PAPPA: variants seen among roughly 807,000 people sequenced by gnomAD.
The protein encoded by PAPPA is pappalysin 1.
Under a neutral mutation model 164.0 loss-of-function variants are expected in PAPPA, and 60 were observed. The observed-to-expected ratio is 0.37, with a 90% CI of 0.30 to 0.45. The LOEUF (loss-of-function observed/expected upper bound fraction) is 0.45. PAPPA is among the 20% of genes least tolerant of loss of function. The pLI, the probability that PAPPA is intolerant of heterozygous loss-of-function variation, is 1.00. For missense variants in PAPPA, 1,782 were observed against 2,087.3 expected (o/e 0.85, Z 2.85); for synonymous variants, 875 against 814.1 (o/e 1.07, Z -1.27).
At chr9:116,195,494 A>G (rs1006897038) in intron 2 of PAPPA, among the ~76,000 whole-genome samples, 16 of 152,236 alleles carry the variant, frequency 1.1e-4, no homozygotes, top group African/African-American at 3.6e-4. Context: ...CAGTCAAGTC[A>G]TTTAACAGTT....
At chr9:116,391,199 A>ATACAT (rs1227564720) in intron 21 of PAPPA, among the ~76,000 whole-genome samples, 1 of 152,222 alleles carries the variant, frequency 6.6e-6, no homozygotes, top group African/African-American at 2.4e-5. Context: ...CAAGCTTCGT[A>ATACAT]TACATTAACT....
At chr9:116,215,416 A>C (rs573530996) in intron 4 of PAPPA, among the ~76,000 whole-genome samples, 1 of 152,334 alleles carries the variant, frequency 6.6e-6, no homozygotes, top group South Asian at 2.1e-4. Flanking sequence ...CATCCACAAA[A>C]AAGAATGAGA....
rs752469843 is a variant in PAPPA, at chr9:116,220,093, A to G, written c.2075A>G (p.Glu692Gly). The G allele has an allele frequency of 6.2e-7, 1 of 1,613,858 alleles. No individual in the cohort carries two copies. The highest frequency in any genetic ancestry group is 1.3e-5 in the African/African-American group (1 of 74,902). The change falls in exon 5 of 22, where the codon GAG becomes GGG. Residue 692 changes from glutamate (E) to glycine (G), a missense_variant. By Grantham distance (98) the Glu-to-Gly change is moderately conservative. Transcript: ENST00000328252. ...LGHTTDSVTLEWFPPIDGHFF... is the reference protein window; with the variant it reads ...LGHTTDSVTLGWFPPIDGHFF... ...CACACAACGGACTCTGTGACACTGG[A>G]GTGGTTCCCACCTATAGATGGCCAT...
At chr9:116,179,290 G>A (rs1304323499) in intron 1 of PAPPA, among the ~76,000 whole-genome samples, 1 of 152,164 alleles carries the variant, frequency 6.6e-6, no homozygotes, top group African/African-American at 2.4e-5. Context: ...ATACAGGCAG[G>A]AGAACAGACA....
intron 1 of PAPPA, among the ~76,000 whole-genome samples, chr9:116,185,893 T>C (rs1434923636): frequency 2.0e-5 from 3 of 151,986 alleles, no homozygotes; most frequent in African/African-American, 7.3e-5. Context: ...TGCCTGATGA[T>C]TTTGGTGAGG....
At chr9:116,197,535 C>T (rs906392763) in intron 2 of PAPPA, among the ~76,000 whole-genome samples, 1 of 152,178 alleles carries the variant, frequency 6.6e-6, no homozygotes, top group African/African-American at 2.4e-5. Flanking sequence ...AATGTGGCAT[C>T]CTCTTTCCAA....
intron 7 of PAPPA, among the ~76,000 whole-genome samples, chr9:116,249,591 C>A (rs551317614): frequency 6.6e-6 from 1 of 151,904 alleles, no homozygotes; most frequent in East Asian, 1.9e-4. Context: ...AAATGGTAAA[C>A]GAGGAAAAGC....
chr9:116,267,579 AATAAGAAATGGC>A (rs1845081958), intron 8 of PAPPA, among the ~76,000 whole-genome samples: 1 of 152,206 alleles, frequency 6.6e-6, no homozygotes, highest in Non-Finnish European at 1.5e-5. Context: ...AAGTTTTTAA[AATAAGAAATGGC>A]GGCCGGGTGC....
At chr9:116,316,848 G>T (rs1167922992) in intron 10 of PAPPA, among the ~76,000 whole-genome samples, 1 of 152,180 alleles carries the variant, frequency 6.6e-6, no homozygotes, top group African/African-American at 2.4e-5. Context: ...CAAGAGTACT[G>T]CCTCCTCTTC....
chr9:116,341,258 C>T (rs1330132467), intron 13 of PAPPA, among the ~76,000 whole-genome samples: 4 of 152,006 alleles, frequency 2.6e-5, no homozygotes, highest in African/African-American at 9.7e-5. Flanking sequence ...CCAGGCTGGT[C>T]TTGAACTCCT....
intron 21 of PAPPA, among the ~76,000 whole-genome samples, chr9:116,384,869 C>G (rs1052409162): frequency 1.3e-5 from 2 of 152,184 alleles, no homozygotes; most frequent in Non-Finnish European, 2.9e-5. Flanking sequence ...ATGGCTCCAT[C>G]TGACACCAAC....
intron 17 of PAPPA, among the ~76,000 whole-genome samples, chr9:116,354,854 G>A (rs1325414837): frequency 6.6e-6 from 1 of 152,094 alleles, no homozygotes. Context: ...AGGAGCCCCC[G>A]TCCCTTAGGA....
intron 5 of PAPPA, among the ~76,000 whole-genome samples, chr9:116,225,129 G>A (rs1305419176): frequency 2.0e-5 from 3 of 152,304 alleles, no homozygotes; most frequent in African/African-American, 4.8e-5. Flanking sequence ...GCACATAGAC[G>A]AAATAATGAA....
chr9:116,299,618 C>T (rs1845554917), intron 9 of PAPPA, among the ~76,000 whole-genome samples: 1 of 152,110 alleles, frequency 6.6e-6, no homozygotes, highest in Admixed American at 6.6e-5. Context: ...GAATTAGGCA[C>T]CCCTATGATC....
At chr9:116,156,334 G>GTATATATATATATGTGTATATATA (rs1843603975) in intron 1 of PAPPA, among the ~76,000 whole-genome samples, 3 of 139,590 alleles carry the variant, frequency 2.1e-5, no homozygotes, top group African/African-American at 7.9e-5. Context: ...ATATATATGT[G>GTATATATATATATGTGTATATATA]TATATATATA....
chr9:116,356,994 A>C (rs1305155333), intron 17 of PAPPA, among the ~76,000 whole-genome samples: 1 of 152,206 alleles, frequency 6.6e-6, no homozygotes, highest in Middle Eastern at 3.2e-3. Flanking sequence ...AGAAGGAGGC[A>C]CCCATCCTGC....
At chr9:116,299,061 G>C (rs1209628123) in intron 9 of PAPPA, among the ~76,000 whole-genome samples, 6 of 152,300 alleles carry the variant, frequency 3.9e-5, no homozygotes, top group South Asian at 4.1e-4. Context: ...AGAGGGAGTA[G>C]AGAGGGAGAG....
At chr9:116,231,733 T>C (rs1165095308) in intron 6 of PAPPA, among the ~76,000 whole-genome samples, 1 of 148,000 alleles carries the variant, frequency 6.8e-6, no homozygotes, top group Non-Finnish European at 1.5e-5. Flanking sequence ...TGTCTGTGTC[T>C]CTAAACAGTG....
At chr9:116,366,783 G>C (rs1327528639) in intron 18 of PAPPA, among the ~76,000 whole-genome samples, 1 of 152,200 alleles carries the variant, frequency 6.6e-6, no homozygotes, top group Non-Finnish European at 1.5e-5. Context: ...TGACAATTCT[G>C]TCATGGGCAC....
Sources: allele counts gnomAD v4.1 joint callset (sites outside exome capture counted in the v4.1 genomes callset), GRCh38; gene constraint gnomAD v4.1.1; transcripts MANE v1.5; gene names NCBI Gene and HGNC (gene_info 2026-07-23, HGNC 2026-07-21).